The following OR3A2 variants were observed in gnomAD, a reference collection of about 807,000 sequenced individuals.
OR3A2 encodes the protein olfactory receptor family 3 subfamily A member 2, also known as olfactory receptor 3A2.
For missense variants in OR3A2, 318 were observed against 392.8 expected, an observed-to-expected ratio of 0.81 and a Z score of 1.61; for synonymous variants, 126 against 159.3, an observed-to-expected ratio of 0.79 and a Z score of 1.57.
intron 1 of OR3A2, among the ~76,000 whole-genome samples, chr17:3,281,328 G>C (rs1279120042): frequency 6.6e-6 from 1 of 151,692 alleles, no homozygotes; most frequent in African/African-American, 2.4e-5. Flanking sequence ...CCGCCTCCCA[G>C]GTTCAAGAGA....
chr17:3,277,822 G>A, exon 2 of OR3A2: 1 of 818,068 alleles, frequency 1.2e-6, no homozygotes, highest in Non-Finnish European at 1.9e-6. Flanking sequence ...ATTATGTAGG[G>A]TTTCCTAGTA....
chr17:3,377,156 T>C (rs2049692008), intron 2 of OR3A2, among the ~76,000 whole-genome samples: 1 of 152,190 alleles, frequency 6.6e-6, no homozygotes, highest in Non-Finnish European at 1.5e-5. Flanking sequence ...TATCTTCCTG[T>C]AGTGATTCTT....
intron 3 of OR3A2, among the ~76,000 whole-genome samples, chr17:3,318,327 A>C (rs1459947448): frequency 6.6e-6 from 1 of 152,218 alleles, no homozygotes; most frequent in Admixed American, 6.5e-5. Flanking sequence ...GTCTGAAAGA[A>C]ACTGGGACCT....
chr17:3,302,425 T>G (rs939958029), intron 3 of OR3A2, among the ~76,000 whole-genome samples: 4 of 152,084 alleles, frequency 2.6e-5, no homozygotes, highest in African/African-American at 9.7e-5. Context: ...AACACAGCCC[T>G]CAGAAATAAT....
chr17:3,315,319 T>C (rs1404752880), intron 3 of OR3A2, among the ~76,000 whole-genome samples: 1 of 152,188 alleles, frequency 6.6e-6, no homozygotes, highest in East Asian at 1.9e-4. Context: ...GTAGAAGCGT[T>C]CTCTTTTCTC....
intron 3 of OR3A2, among the ~76,000 whole-genome samples, chr17:3,328,820 T>A (rs375955746): frequency 8.4e-6 from 1 of 118,754 alleles, no homozygotes; most frequent in Admixed American, 8.7e-5. Flanking sequence ...GATAATCATG[T>A]GGTTTTTGTC....
chr17:3,301,715 T>G (rs1454761596), intron 3 of OR3A2, among the ~76,000 whole-genome samples: 1 of 152,214 alleles, frequency 6.6e-6, no homozygotes, highest in Admixed American at 6.5e-5. Flanking sequence ...TTTGTCAATT[T>G]TGGCTTTTGT....
chr17:3,371,541 C>T (rs1186410898), intron 2 of OR3A2, among the ~76,000 whole-genome samples: 2 of 144,030 alleles, frequency 1.4e-5, no homozygotes, highest in South Asian at 2.2e-4. Flanking sequence ...ACCTCCCTCC[C>T]GGACGGGGCG....
At chr17:3,332,530 A>G (rs1007427848) in intron 3 of OR3A2, among the ~76,000 whole-genome samples, 7 of 152,184 alleles carry the variant, frequency 4.6e-5, no homozygotes, top group African/African-American at 1.4e-4. Flanking sequence ...GCACTTCCCA[A>G]GTGAGGCAAT....
intron 2 of OR3A2, among the ~76,000 whole-genome samples, chr17:3,376,489 G>A (rs2049685788): frequency 6.6e-6 from 1 of 151,928 alleles, no homozygotes. Context: ...GGAAGGGGTG[G>A]TTCTCAGACC....
intron 3 of OR3A2, among the ~76,000 whole-genome samples, chr17:3,293,984 G>C (rs2048898954): frequency 6.6e-6 from 1 of 152,100 alleles, no homozygotes; most frequent in African/African-American, 2.4e-5. Context: ...GAGAACATTA[G>C]GGAAAAGAGC....
At chr17:3,383,908 AACAAATATTTATTGAATAAATATTGTAT>A (rs1555531020) in intron 1 of OR3A2, 12 of 151,842 alleles carry the variant, frequency 7.9e-5, no homozygotes, top group African/African-American at 1.2e-4. Flanking sequence ...AGCTTCATTC[AACAAATATTTATTGAATAAATATTGTAT>A]ACAAATATTT....
At chr17:3,385,931 T>C (rs1178027399) in intron 1 of OR3A2, 194 bp downstream of exon 1, 6 of 398,684 alleles carry the variant, frequency 1.5e-5, no homozygotes, top group Non-Finnish European at 2.7e-5. Context: ...GTCCACTCCA[T>C]GGCTCCGACC....
intron 2 of OR3A2, among the ~76,000 whole-genome samples, chr17:3,378,409 A>C (rs559937668): frequency 6.6e-6 from 1 of 152,310 alleles, no homozygotes; most frequent in African/African-American, 2.4e-5. Context: ...AGCAGGTGCC[A>C]GGAGTAGGGA....
chr17:3,353,867 C>G (rs2049441280), intron 2 of OR3A2, among the ~76,000 whole-genome samples: 1 of 149,426 alleles, frequency 6.7e-6, no homozygotes, highest in South Asian at 2.1e-4. Flanking sequence ...TTATTATTGA[C>G]TATAGTCACC....
intron 1 of OR3A2, among the ~76,000 whole-genome samples, chr17:3,279,971 T>C (rs1243892609): frequency 6.6e-6 from 1 of 152,152 alleles, no homozygotes; most frequent in Non-Finnish European, 1.5e-5. Context: ...AACTCAACAT[T>C]TCTTGTTCAA....
At chr17:3,354,505 C>A (rs984806600) in intron 2 of OR3A2, among the ~76,000 whole-genome samples, 7 of 151,210 alleles carry the variant, frequency 4.6e-5, no homozygotes, top group Admixed American at 4.6e-4. Context: ...ATGGTTTGAT[C>A]TTGGTAGGTT....
chr17:3,371,425 AC>A (rs1429472515), intron 2 of OR3A2, among the ~76,000 whole-genome samples: 1 of 110,810 alleles, frequency 9.0e-6, no homozygotes. Context: ...CAGGGGGCTG[AC>A]CCCCCCACCT....
intron 2 of OR3A2, among the ~76,000 whole-genome samples, chr17:3,359,942 G>T (rs1449618163): frequency 6.6e-6 from 1 of 151,766 alleles, no homozygotes; most frequent in East Asian, 1.9e-4. Flanking sequence ...ACCCAGTAAT[G>T]GGATGGCTGG....
Sources: gnomAD v4.1 joint callset for allele counts (sites outside exome capture counted in the v4.1 genomes callset) on GRCh38, gnomAD v4.1.1 for gene constraint, MANE v1.5 for transcripts, NCBI Gene and HGNC (gene_info 2026-07-23, HGNC 2026-07-21) for gene names.